The following GRM8 variants were observed in gnomAD, a reference collection of about 807,000 sequenced individuals.
GRM8 encodes the protein metabotropic glutamate receptor 8.
GRM8 carries 47 observed loss-of-function variants against 87.2 expected under a neutral mutation model. The ratio of observed to expected loss-of-function variants is 0.54; its 90% CI spans 0.43 to 0.69. The LOEUF (loss-of-function observed/expected upper bound fraction) is 0.69. GRM8 is among the 30% of genes least tolerant of loss of function. The pLI is 0.00. For missense variants in GRM8, 1,019 were observed against 1,139.2 expected (o/e 0.89, Z 1.52); for synonymous variants, 396 against 404.5 (o/e 0.98, Z 0.25).
intron 7 of GRM8, among the ~76,000 whole-genome samples, chr7:126,758,859 A>G (rs1178559389): frequency 2.6e-5 from 4 of 151,810 alleles, no homozygotes; most frequent in Admixed American, 1.3e-4. Context: ...ATTTAAAGGA[A>G]TTTTTTCATT....
intron 3 of GRM8, among the ~76,000 whole-genome samples, chr7:126,970,715 TTAGCTTTCAGTCTG>T (rs1464251437): frequency 6.6e-6 from 1 of 152,194 alleles, no homozygotes; most frequent in East Asian, 1.9e-4. Context: ...CATAAGAGGC[TTAGCTTTCAGTCTG>T]TCTCAGCTTT....
In GRM8 at chr7:127,114,067, C is replaced by T. The variant is rs147124765; in HGVS notation, c.511-7355G>A. ...AAGATGGATGACTACCCCAAGTTTG[C>T]ATCCAAAAACATGAAGTAGTAGTAT... On this transcript the variant is annotated intron_variant, in intron 2 of 10. Transcript: ENST00000339582. Among the ~76,000 whole-genome samples the T allele has an allele frequency of 2.2e-3, 336 of 152,250 alleles. 3 individuals are homozygous for T. The highest frequency in any genetic ancestry group is 6.8e-3 in the African/African-American group (283 of 41,550).
At chr7:126,846,234 A>C (rs1796701516) in intron 6 of GRM8, among the ~76,000 whole-genome samples, 1 of 152,194 alleles carries the variant, frequency 6.6e-6, no homozygotes, top group African/African-American at 2.4e-5. Flanking sequence ...TCTACTGTTA[A>C]AACTCAAACT....
At chr7:126,920,554 T>A (rs1265586635) in intron 3 of GRM8, among the ~76,000 whole-genome samples, 1 of 152,112 alleles carries the variant, frequency 6.6e-6, no homozygotes, top group Non-Finnish European at 1.5e-5. Flanking sequence ...CTTAACATGA[T>A]GAAGGCCCTG....
chr7:126,563,229 T>C (rs1259464924), intron 8 of GRM8, among the ~76,000 whole-genome samples: 1 of 152,168 alleles, frequency 6.6e-6, no homozygotes, highest in East Asian at 1.9e-4. Flanking sequence ...ATTCTTGATA[T>C]TTTGAAACAT....
intron 3 of GRM8, among the ~76,000 whole-genome samples, chr7:126,950,920 C>CTT (rs35875691): frequency 3.4e-5 from 5 of 147,342 alleles, no homozygotes; most frequent in Admixed American, 2.0e-4. Flanking sequence ...TTGTCCAAGT[C>CTT]TTTTTTTTTT....
intron 9 of GRM8, among the ~76,000 whole-genome samples, chr7:126,508,362 T>C (rs1330609231): frequency 6.6e-6 from 1 of 151,898 alleles, no homozygotes; most frequent in Non-Finnish European, 1.5e-5. Flanking sequence ...TGCTGTGTCA[T>C]CACATGGTAG....
At chr7:126,535,558 C>T (rs1012918331) in intron 8 of GRM8, among the ~76,000 whole-genome samples, 1 of 152,134 alleles carries the variant, frequency 6.6e-6, no homozygotes, top group Non-Finnish European at 1.5e-5. Flanking sequence ...TGTGTTTATA[C>T]CTACTTTCAA....
chr7:126,609,385 A>T lies in GRM8; in HGVS notation c.1471T>A (p.Trp491Arg), dbSNP rs779308371. Residue 491 changes from tryptophan (W) to arginine (R), a missense_variant, in exon 8 of 11, where the codon TGG becomes AGG. By Grantham distance (101) the Trp-to-Arg change is moderately radical. Transcript: ENST00000339582. ...GCTTTTAGATGAAGCTGATTGGTCC[A>T]GTGGCCGATGACTTTGTACTCTGTG... ...KSTEYKVIGH[W>R]TNQLHLKVED... The T allele has an allele frequency of 3.7e-6, 6 of 1,613,734 alleles. No homozygotes were observed. The highest frequency in any genetic ancestry group is 5.1e-6 in the Non-Finnish European group (6 of 1,179,668).
intron 6 of GRM8, among the ~76,000 whole-genome samples, chr7:126,889,455 G>A (rs532466219): frequency 1.2e-4 from 19 of 152,038 alleles, no homozygotes; most frequent in Admixed American, 4.6e-4. Flanking sequence ...AAAATGCTTA[G>A]CTGAATTATT....
At chr7:126,831,017 G>A (rs1041568655) in intron 6 of GRM8, among the ~76,000 whole-genome samples, 1 of 152,160 alleles carries the variant, frequency 6.6e-6, no homozygotes, top group African/African-American at 2.4e-5. Context: ...GCAGAACCGC[G>A]GATTTTCGTG....
At chr7:126,849,497 A>T (rs1797008306) in intron 6 of GRM8, among the ~76,000 whole-genome samples, 1 of 152,188 alleles carries the variant, frequency 6.6e-6, no homozygotes, top group African/African-American at 2.4e-5. Context: ...TATTTACTGA[A>T]AGAATAAGTA....
At chr7:126,902,164 CT>C (rs1362278690) in intron 6 of GRM8, among the ~76,000 whole-genome samples, 2 of 152,166 alleles carry the variant, frequency 1.3e-5, no homozygotes, top group Non-Finnish European at 2.9e-5. Context: ...TTGAAAAATA[CT>C]GTCTTATAGC....
chr7:126,510,224 G>T (rs1811125461), intron 9 of GRM8, among the ~76,000 whole-genome samples: 2 of 148,852 alleles, frequency 1.3e-5, no homozygotes, highest in East Asian at 4.0e-4. Context: ...CTTTAAAAAA[G>T]TATACAAATG....
intron 3 of GRM8, among the ~76,000 whole-genome samples, chr7:127,040,076 T>A (rs192256396): frequency 8.8e-4 from 2 of 2,282 alleles, no homozygotes; most frequent in Non-Finnish European, 1.5e-3. Flanking sequence ...GGGAGATGGG[T>A]GGGGGAGGAG....
chr7:127,232,212 T>TGTGTGTGTGTGTGTGTGTGTGTGAGA (rs1491132484), intron 2 of GRM8, among the ~76,000 whole-genome samples: 10 of 143,644 alleles, frequency 7.0e-5, no homozygotes, highest in African/African-American at 2.1e-4. Context: ...TGTGTGTGTG[T>TGTGTGTGTGTGTGTGTGTGTGTGAGA]GAGAGAGAGA....
chr7:126,446,578 C>T (rs1238429289), intron 9 of GRM8, among the ~76,000 whole-genome samples: 1 of 151,864 alleles, frequency 6.6e-6, no homozygotes, highest in Non-Finnish European at 1.5e-5. Flanking sequence ...TTTTATTGAA[C>T]CCAATTTATT....
chr7:127,069,387 C>T (rs1452519790), intron 3 of GRM8, among the ~76,000 whole-genome samples: 1 of 152,140 alleles, frequency 6.6e-6, no homozygotes, highest in Non-Finnish European at 1.5e-5. Flanking sequence ...TGGTCTCTGA[C>T]TCCTGGCCTC....
chr7:127,036,857 C>CT (rs1199525540), intron 3 of GRM8, among the ~76,000 whole-genome samples: 7 of 152,088 alleles, frequency 4.6e-5, no homozygotes, highest in Non-Finnish European at 1.5e-5. Context: ...CCAGGTTTTT[C>CT]TTTTTGGTTA....
Sources: allele counts gnomAD v4.1 joint callset (sites outside exome capture counted in the v4.1 genomes callset), GRCh38; gene constraint gnomAD v4.1.1; transcripts MANE v1.5; gene names NCBI Gene and HGNC (gene_info 2026-07-23, HGNC 2026-07-21).